SLC44A5: variants seen among roughly 807,000 people sequenced by gnomAD.
The protein encoded by SLC44A5 is choline transporter-like protein 5.
In SLC44A5, 57 loss-of-function variants were observed where a neutral mutation model predicts 101.8. The observed-to-expected ratio is 0.56, with a 90% CI of 0.45 to 0.70. The LOEUF is 0.70. Ranked by LOEUF, SLC44A5 falls within the 30% of genes least tolerant of loss-of-function variation. The pLI is 0.00. For synonymous variants in SLC44A5, 281 were observed against 290.9 expected, an observed-to-expected ratio of 0.97 and a Z score of 0.35; for missense variants, 737 against 853.1, an observed-to-expected ratio of 0.86 and a Z score of 1.70.
intron 2 of SLC44A5, among the ~76,000 whole-genome samples, chr1:75,492,044 C>G (rs1668453342): frequency 6.6e-6 from 1 of 152,120 alleles, no homozygotes; most frequent in African/African-American, 2.4e-5. Flanking sequence ...TGACTGAACA[C>G]AATGGGTATG....
chr1:75,313,919 G>A (rs1035071472), intron 4 of SLC44A5, among the ~76,000 whole-genome samples: 2 of 152,264 alleles, frequency 1.3e-5, no homozygotes, highest in African/African-American at 4.8e-5. Flanking sequence ...GTTGTACAGT[G>A]AAGGAAGCTT....
At chr1:75,423,707 C>A (rs547987467) in intron 2 of SLC44A5, among the ~76,000 whole-genome samples, 54 of 152,334 alleles carry the variant, frequency 3.5e-4, no homozygotes, top group Non-Finnish European at 5.6e-4. Context: ...ACGCACTTAT[C>A]TGTTTACTAG....
chr1:75,491,075 G>A (rs145757546), intron 2 of SLC44A5, among the ~76,000 whole-genome samples: 286 of 152,150 alleles, frequency 1.9e-3, no homozygotes, highest in African/African-American at 6.2e-3. Flanking sequence ...TTAATTCAAA[G>A]CCATCGTAGT....
chr1:75,432,904 C>A (rs1413130261), intron 2 of SLC44A5, among the ~76,000 whole-genome samples: 2 of 152,090 alleles, frequency 1.3e-5, no homozygotes, highest in African/African-American at 2.4e-5. Context: ...AGCCCCAAAT[C>A]AACCACACCC....
chr1:75,703,310 C>G, the SLC44A5 span, among the ~76,000 whole-genome samples: 1 of 151,952 alleles, frequency 6.6e-6, no homozygotes, highest in Non-Finnish European at 1.5e-5. Flanking sequence ...CACATATACA[C>G]CATGGAATAC....
intron 2 of SLC44A5, among the ~76,000 whole-genome samples, chr1:75,539,802 G>A (rs533215546): frequency 3.3e-5 from 5 of 152,244 alleles, no homozygotes; most frequent in African/African-American, 4.8e-5. Flanking sequence ...AAAAGTAGAC[G>A]TCACTGTGAA....
chr1:75,406,076 G>C (rs954911428), intron 2 of SLC44A5, among the ~76,000 whole-genome samples: 1 of 151,942 alleles, frequency 6.6e-6, no homozygotes, highest in Non-Finnish European at 1.5e-5. Flanking sequence ...AGAGAATACT[G>C]TAAACACCTC....
chr1:75,477,449 A>T (rs1157850031), intron 2 of SLC44A5, among the ~76,000 whole-genome samples: 1 of 152,098 alleles, frequency 6.6e-6, no homozygotes, highest in Non-Finnish European at 1.5e-5. Context: ...TGATCAAACT[A>T]CTCCGAGTTA....
the SLC44A5 span, among the ~76,000 whole-genome samples, chr1:75,667,799 T>TG: frequency 6.6e-6 from 1 of 152,224 alleles, no homozygotes; most frequent in Admixed American, 6.5e-5. Context: ...TTTTTTGCCA[T>TG]GTGAACATAC....
intron 2 of SLC44A5, among the ~76,000 whole-genome samples, chr1:75,420,327 A>G (rs1663926161): frequency 6.6e-6 from 1 of 152,172 alleles, no homozygotes; most frequent in African/African-American, 2.4e-5. Context: ...TATAGCTATT[A>G]AATTATTGGT....
At chr1:75,667,358 T>TC in the SLC44A5 span, among the ~76,000 whole-genome samples, 1 of 151,982 alleles carries the variant, frequency 6.6e-6, no homozygotes, top group Non-Finnish European at 1.5e-5. Flanking sequence ...TACCTAGGAA[T>TC]CCAACATACA....
rs749252745 is a variant in SLC44A5, at chr1:75,215,869, A to C, written c.1625-12T>G. 7.2e-7 allele frequency: 1 copy of C among 1,383,044 alleles called. No individual in the cohort carries two copies. Among genetic ancestry groups the C allele is most frequent in the Non-Finnish European group, 1.0e-6 (1 of 974,328 alleles). 85.7% of individuals were successfully genotyped at this position (1,383,044 alleles called of 1,614,324 possible). A position where few individuals can be genotyped will look rare whatever the true frequency, so the allele number is the denominator to read the frequency against. On this transcript the variant is annotated splice_polypyrimidine_tract_variant and intron_variant, in intron 18 of 23. Coordinates refer to ENST00000370859, the MANE Select transcript of SLC44A5 (RefSeq NM_001130058.2). ...TGTGTTCTGGGTACCTATGAGAAGGAGATATTTAAATCTATTAATGATTTG... is the reference window on the plus strand; with the variant it reads ...TGTGTTCTGGGTACCTATGAGAAGGCGATATTTAAATCTATTAATGATTTG...
intron 1 of SLC44A5, among the ~76,000 whole-genome samples, chr1:75,576,614 T>C (rs1342782565): frequency 2.0e-5 from 3 of 152,164 alleles, no homozygotes; most frequent in African/African-American, 7.2e-5. Context: ...CCACCGCACC[T>C]GGCCTAAATG....
intron 4 of SLC44A5, among the ~76,000 whole-genome samples, chr1:75,329,000 A>C (rs546636354): frequency 3.3e-5 from 5 of 152,356 alleles, no homozygotes; most frequent in African/African-American, 1.2e-4. Context: ...GAGGAGAAAG[A>C]GGATCAAAAA....
intron 2 of SLC44A5, among the ~76,000 whole-genome samples, chr1:75,509,605 T>C (rs1669455930): frequency 1.3e-5 from 2 of 152,036 alleles, no homozygotes; most frequent in Non-Finnish European, 2.9e-5. Flanking sequence ...GATATAAGAG[T>C]TATGATGTAA....
At chr1:75,684,947 G>T in the SLC44A5 span, among the ~76,000 whole-genome samples, 1 of 152,336 alleles carries the variant, frequency 6.6e-6, no homozygotes, top group Middle Eastern at 3.4e-3. Flanking sequence ...CTCCGTGAGA[G>T]CTCTGCCCCT....
At chr1:75,692,811 G>A in the SLC44A5 span, among the ~76,000 whole-genome samples, 1 of 152,242 alleles carries the variant, frequency 6.6e-6, no homozygotes, top group East Asian at 1.9e-4. Flanking sequence ...AATATAGTAA[G>A]ATTTCTAGAA....
At chr1:75,698,721 C>A in the SLC44A5 span, among the ~76,000 whole-genome samples, 158 of 152,190 alleles carry the variant, frequency 1.0e-3, no homozygotes, top group African/African-American at 3.7e-3. Flanking sequence ...CAGGAGGACA[C>A]TCAAACCAAA....
chr1:75,588,988 G>C (rs2102099604), intron 1 of SLC44A5, among the ~76,000 whole-genome samples: 2 of 152,298 alleles, frequency 1.3e-5, no homozygotes, highest in Middle Eastern at 6.8e-3. Flanking sequence ...CAGAGTTTCA[G>C]GTTGAGGCTT....
Sources: gnomAD v4.1 joint callset for allele counts (sites outside exome capture counted in the v4.1 genomes callset) on GRCh38, gnomAD v4.1.1 for gene constraint, MANE v1.5 for transcripts, NCBI Gene and HGNC (gene_info 2026-07-23, HGNC 2026-07-21) for gene names.